PARP12: variants seen among roughly 807,000 people sequenced by gnomAD.
PARP12 encodes the protein protein mono-ADP-ribosyltransferase PARP12.
PARP12 carries 59 observed loss-of-function variants against 72.4 expected under a neutral mutation model. The ratio of observed to expected loss-of-function variants is 0.81; its 90% CI spans 0.66 to 1.01. The LOEUF is 1.01. Ranked by LOEUF, PARP12 falls within the 50% of genes least tolerant of loss-of-function variation. PARP12 has a pLI of 0.00. For synonymous variants in PARP12, 403 were observed against 371.4 expected, an observed-to-expected ratio of 1.09 and a Z score of -0.98; for missense variants, 851 against 914.0, an observed-to-expected ratio of 0.93 and a Z score of 0.89.
Position 140,057,901 on chromosome 7 carries a change from C to T in PARP12, c.460G>A (p.Glu154Lys). The change falls in exon 2 of 12, where the codon GAA becomes AAA. Residue 154 changes from glutamate (E) to lysine (K), a missense_variant and splice_region_variant. By Grantham distance (56) the Glu-to-Lys change is moderately conservative. This residue lies in a region of PARP12 where 492 missense variants were observed against 489.3 expected (regional missense o/e 1.01). Transcript: ENST00000263549. ...LFQNDPWLLP[E>K]ICQHYNKGDG... ...CCCAGACTTCCCCTGGCACTCACTT[C>T]TGGCAAAAGCCAGGGGTCGTTCTGA... 1 of 1,614,182 alleles carries T rather than the reference C, an allele frequency of 6.2e-7. No individual in the cohort carries two copies. The highest frequency in any genetic ancestry group is 8.5e-7 in the Non-Finnish European group (1 of 1,180,026).
chr7:140,028,650 T>C lies in PARP12; in HGVS notation c.1460A>G (p.Tyr487Cys), dbSNP rs1569526468. 6.2e-7 allele frequency: 1 copy of C among 1,604,764 alleles called. No homozygotes were observed. The highest frequency in any genetic ancestry group is 8.5e-7 in the Non-Finnish European group (1 of 1,175,376). ...KFPGPKSIPD[Y>C]WDSSALPDPG... ...GTCTGGCAGGGCAGAGGAGTCCCAA[T>C]AGTCTGGGATGCTCTTCGGGCCTGG... Residue 487 changes from tyrosine (Y) to cysteine (C), a missense_variant, in exon 9 of 12, where the codon TAT becomes TGT. Around this residue, in one of 3 missense-constraint regions of PARP12, gnomAD observed 347 missense variants for 396.1 expected, o/e 0.88. Coordinates refer to ENST00000263549, the MANE Select transcript of PARP12 (RefSeq NM_022750.4).
At chr7:140,037,001 C>T (rs761867713) in intron 7 of PARP12, among the ~76,000 whole-genome samples, 14 of 152,114 alleles carry the variant, frequency 9.2e-5, no homozygotes, top group Non-Finnish European at 1.8e-4. Context: ...ATCCGTTAAA[C>T]CCATCAACTC....
chr7:140,054,097 C>G (rs1014770171), intron 4 of PARP12, among the ~76,000 whole-genome samples: 2 of 152,142 alleles, frequency 1.3e-5, no homozygotes, highest in African/African-American at 4.8e-5. Context: ...AAGCCCAGGA[C>G]AGCATTTAAG....
At chr7:140,044,711 C>T (rs1442589166) in intron 5 of PARP12, among the ~76,000 whole-genome samples, 1 of 152,144 alleles carries the variant, frequency 6.6e-6, no homozygotes, top group East Asian at 1.9e-4. Flanking sequence ...GGAATCCAGA[C>T]AACAATGAAA....
intron 1 of PARP12, among the ~76,000 whole-genome samples, chr7:140,060,467 T>C (rs1817399641): frequency 1.3e-5 from 2 of 151,952 alleles, no homozygotes; most frequent in African/African-American, 2.4e-5. Context: ...GAGTCAGAAA[T>C]GGAAGGTTCA....
chr7:140,026,909 C>T (rs767819869), intron 10 of PARP12, among the ~76,000 whole-genome samples: 2 of 152,202 alleles, frequency 1.3e-5, no homozygotes, highest in African/African-American at 4.8e-5. Context: ...ATGTATGAAC[C>T]TGAGACCCCT....
chr7:140,039,133 C>T (rs911451565), intron 6 of PARP12, among the ~76,000 whole-genome samples: 5 of 152,170 alleles, frequency 3.3e-5, no homozygotes, highest in African/African-American at 9.7e-5. Flanking sequence ...CTCATAGCGG[C>T]GCCTAAGTTT....
At chr7:140,062,270 T>C (rs1336700192) in intron 1 of PARP12, among the ~76,000 whole-genome samples, 1 of 139,194 alleles carries the variant, frequency 7.2e-6, no homozygotes, top group Non-Finnish European at 1.6e-5. Context: ...CACCCGGCAC[T>C]ACCATGCTCT....
chr7:140,049,193 A>T (rs1816858331), intron 4 of PARP12, among the ~76,000 whole-genome samples: 1 of 152,076 alleles, frequency 6.6e-6, no homozygotes, highest in South Asian at 2.1e-4. Context: ...GGCAGAAGAG[A>T]GTGCCAGGCT....
rs557481878 is a variant in PARP12 at position 140,042,303 on chromosome 7, G to A, written c.987-464C>T. 5.3e-5 allele frequency among the ~76,000 whole-genome samples: 8 copies of A among 152,348 alleles called. No individual in the cohort carries two copies. In the South Asian group the frequency reaches 1.7e-3, roughly 32 times the overall value. On this transcript the variant is annotated intron_variant, in intron 5 of 11. Coordinates refer to ENST00000263549, the MANE Select transcript of PARP12 (RefSeq NM_022750.4). Reference sequence around the variant, plus strand: ...TCACAGACGGGAAAACAGAAGCTCAGGAAGGTGAAGAAACCTGTTCAAGGT... The same window carrying A: ...TCACAGACGGGAAAACAGAAGCTCAAGAAGGTGAAGAAACCTGTTCAAGGT...
chr7:140,061,606 C>A (rs1405777973), intron 1 of PARP12, among the ~76,000 whole-genome samples: 1 of 152,180 alleles, frequency 6.6e-6, no homozygotes, highest in East Asian at 1.9e-4. Flanking sequence ...AAAACGCAAA[C>A]CTGATGGTTG....
chr7:140,038,494 T>C (rs1237483737), intron 6 of PARP12, among the ~76,000 whole-genome samples: 1 of 152,158 alleles, frequency 6.6e-6, no homozygotes, highest in Non-Finnish European at 1.5e-5. Flanking sequence ...AAGCTTATAA[T>C]ATGAATAATA....
chr7:140,033,396 C>A, intron 8 of PARP12: 1 of 985,364 alleles, frequency 1.0e-6, no homozygotes, highest in Non-Finnish European at 1.2e-6. Context: ...ATAAAATAGA[C>A]ACAAGCCAGA....
Position 140,041,887 on chromosome 7 carries a change from G to A in PARP12, c.987-48C>T, listed in dbSNP as rs758663984. 24 of 1,473,034 alleles carry A rather than the reference G, an allele frequency of 1.6e-5. No individual in the cohort carries two copies. The East Asian group carries it at 5.2e-4, about 32-fold the overall frequency. The allele number at this position is 1,473,034 out of a possible 1,614,324, so 91.2% of individuals were successfully genotyped here. On this transcript the variant is annotated intron_variant, in intron 5 of 11. Coordinates refer to ENST00000263549, the MANE Select transcript of PARP12 (RefSeq NM_022750.4). ...GACTGAAAATCCCACCAGCCAAGCA[G>A]ACACAGGTCCCTCAGCTTGAGAACA...
At chr7:140,027,443 A>G (rs754214807) in intron 9 of PARP12, 37 bp from the exon 10 acceptor site, 17 of 1,609,268 alleles carry the variant, frequency 1.1e-5, no homozygotes, top group Non-Finnish European at 1.0e-5. Context: ...ATTACCATCA[A>G]CGTGCAGAAT....
chr7:140,058,756 A>C (rs1192612957), intron 1 of PARP12, among the ~76,000 whole-genome samples: 2 of 152,056 alleles, frequency 1.3e-5, no homozygotes, highest in African/African-American at 4.8e-5. Flanking sequence ...CTTCATGACA[A>C]TTTTTCAGAA....
chr7:140,026,112 G>A, intron 11 of PARP12, 85 bp downstream of exon 11: 1 of 1,596,972 alleles, frequency 6.3e-7, no homozygotes, highest in Non-Finnish European at 8.6e-7. Flanking sequence ...AGCTCAGGCT[G>A]GTCCCCTCAT....
intron 7 of PARP12, among the ~76,000 whole-genome samples, chr7:140,035,927 A>AAGGAGGAGGAGG (rs141105005): frequency 2.6e-5 from 1 of 38,058 alleles, no homozygotes; most frequent in Non-Finnish European, 4.3e-5. Flanking sequence ...GGAGGAGGAC[A>AAGGAGGAGGAGG]AGGAGGAGGA....
At chr7:140,033,810 T>C in intron 8 of PARP12, 2 of 987,302 alleles carry the variant, frequency 2.0e-6, no homozygotes, top group Non-Finnish European at 2.4e-6. Context: ...TATCTGTTTT[T>C]AGAGTTTTGG....
Sources: gnomAD v4.1 joint callset for allele counts (sites outside exome capture counted in the v4.1 genomes callset) on GRCh38, gnomAD v4.1.1 for gene constraint, gnomAD v4.1.1 regional missense constraint, MANE v1.5 for transcripts, NCBI Gene and HGNC (gene_info 2026-07-23, HGNC 2026-07-21) for gene names.